HECW1: variants seen among roughly 807,000 people sequenced by gnomAD.
HECW1 encodes E3 ubiquitin-protein ligase HECW1.
In HECW1, 61 loss-of-function variants were observed where a neutral mutation model predicts 182.3. That is an observed-to-expected ratio of 0.33 (90% CI 0.27 to 0.41). The LOEUF (loss-of-function observed/expected upper bound fraction) is 0.41, where lower values mean the gene tolerates loss of function less well. Ranked by LOEUF, HECW1 falls within the 10% of genes least tolerant of loss-of-function variation. The pLI, the probability that HECW1 is intolerant of heterozygous loss-of-function variation, is 1.00. For missense variants in HECW1, 1,739 were observed against 2,108.9 expected (o/e 0.82, Z 3.44); for synonymous variants, 859 against 832.6 (o/e 1.03, Z -0.55).
intron 3 of HECW1, among the ~76,000 whole-genome samples, chr7:43,286,003 A>G (rs1411711441): frequency 6.6e-6 from 1 of 152,216 alleles, no homozygotes; most frequent in Non-Finnish European, 1.5e-5. Flanking sequence ...AGTCTATGTC[A>G]GTAAGTCATA....
intron 6 of HECW1, among the ~76,000 whole-genome samples, chr7:43,371,042 C>A (rs1263843021): frequency 6.6e-6 from 1 of 151,950 alleles, no homozygotes; most frequent in Non-Finnish European, 1.5e-5. Flanking sequence ...TGCCCGCCAC[C>A]ACGTCTGGCT....
intron 17 of HECW1, among the ~76,000 whole-genome samples, chr7:43,487,717 GGAGGCAGGGCAGGAGGATC>G (rs1273438353): frequency 7.9e-5 from 12 of 152,158 alleles, no homozygotes; most frequent in African/African-American, 2.4e-4. Context: ...CAGCACTTTG[GGAGGCAGGGCAGGAGGATC>G]TCTTGAAGCC....
At position 43,507,805 on chromosome 7, in the gene HECW1, G is replaced by A. The variant is rs566095876; in HGVS notation, c.3753-213G>A. Among the ~76,000 whole-genome samples, 11 of 152,274 alleles carry A rather than the reference G, an allele frequency of 7.2e-5. No homozygotes were observed. The East Asian group carries it at 1.5e-3, about 21-fold the overall frequency. On this transcript the variant is annotated intron_variant, in intron 22 of 29. Transcript: ENST00000395891. Reference sequence around the variant, plus strand: ...AGTAGTTCCATATGATGGAATGCACGAGAAGTGTACACATTTTCCTTGTGC... The same window carrying A: ...AGTAGTTCCATATGATGGAATGCACAAGAAGTGTACACATTTTCCTTGTGC...
Position 43,177,992 on chromosome 7 carries a change from C to T in HECW1, c.-32+63601C>T, listed in dbSNP as rs117057570. On this transcript the variant is annotated intron_variant, in intron 2 of 29. Transcript: ENST00000395891. ...GACATCTGTTTGATCTCCCCTGCCC[C>T]TGTGGGCAGGGTTTTTTTGGTTTGG... Among the ~76,000 whole-genome samples, 499 of 152,292 alleles carry T rather than the reference C, an allele frequency of 3.3e-3. 2 individuals carry two copies. The highest frequency in any genetic ancestry group is 6.0e-3 in the Non-Finnish European group (410 of 68,026).
chr7:43,181,786 T>G (rs1022926268), intron 2 of HECW1, among the ~76,000 whole-genome samples: 2 of 150,678 alleles, frequency 1.3e-5, no homozygotes, highest in Admixed American at 1.3e-4. Context: ...GTTTTTTGTT[T>G]GTTTGTTTGT....
In HECW1 at chr7:43,280,280, T is replaced by C. The variant is rs532719233; in HGVS notation, c.28-31483T>C. Among the ~76,000 whole-genome samples, 167 of 151,718 alleles carry C rather than the reference T, an allele frequency of 1.1e-3. 1 individual carries two copies. Among genetic ancestry groups the C allele is most frequent in the African/African-American group, 4.0e-3 (164 of 41,360 alleles). On this transcript the variant is annotated intron_variant, in intron 3 of 29. Coordinates refer to ENST00000395891, the MANE Select transcript of HECW1 (RefSeq NM_015052.5). ...AATAGCATCGTGCAGGAGTGCAGGG[T>C]CACAAGATGGAGTGGCGATTCCACC...
chr7:43,478,587 T>C (rs907424662), intron 16 of HECW1, among the ~76,000 whole-genome samples: 3 of 152,118 alleles, frequency 2.0e-5, no homozygotes, highest in Non-Finnish European at 4.4e-5. Context: ...GAAATACTTA[T>C]AAAATAACAA....
At chr7:43,406,019 T>C (rs1258397184) in intron 7 of HECW1, among the ~76,000 whole-genome samples, 1 of 152,232 alleles carries the variant, frequency 6.6e-6, no homozygotes, top group Non-Finnish European at 1.5e-5. Flanking sequence ...CTCTTCCTAC[T>C]TTATCCACTG....
chr7:43,481,684 T>G (rs2078439560), intron 17 of HECW1, among the ~76,000 whole-genome samples: 1 of 152,116 alleles, frequency 6.6e-6, no homozygotes, highest in South Asian at 2.1e-4. Context: ...GCCATCTGTA[T>G]CAGTTAAGAA....
intron 2 of HECW1, among the ~76,000 whole-genome samples, chr7:43,173,669 G>T (rs1324790509): frequency 6.6e-6 from 1 of 152,116 alleles, no homozygotes; most frequent in Non-Finnish European, 1.5e-5. Context: ...CTGACAGGAG[G>T]CAGAGCTCAG....
intron 2 of HECW1, among the ~76,000 whole-genome samples, chr7:43,183,654 C>T (rs1273694353): frequency 1.3e-5 from 2 of 151,978 alleles, no homozygotes; most frequent in African/African-American, 4.8e-5. Context: ...ACAATGTTTA[C>T]CTTGATTTTT....
intron 3 of HECW1, among the ~76,000 whole-genome samples, chr7:43,280,954 C>T (rs978255541): frequency 2.0e-5 from 3 of 152,110 alleles, no homozygotes; most frequent in African/African-American, 4.8e-5. Flanking sequence ...CATGCATTCC[C>T]GACACAGTAT....
intron 2 of HECW1, among the ~76,000 whole-genome samples, chr7:43,173,143 TAAAAC>T (rs967852839): frequency 3.9e-5 from 6 of 152,322 alleles, no homozygotes; most frequent in African/African-American, 1.4e-4. Context: ...TGGGGAAAAT[TAAAAC>T]AAAGATAACA....
intron 24 of HECW1, among the ~76,000 whole-genome samples, chr7:43,532,938 T>C (rs140936351): frequency 3.9e-5 from 6 of 152,310 alleles, no homozygotes; most frequent in Non-Finnish European, 7.4e-5. Flanking sequence ...CAGTCAGCCT[T>C]CTTCAAGTTT....
chr7:43,131,140 C>T (rs1429530013), intron 2 of HECW1, among the ~76,000 whole-genome samples: 3 of 152,246 alleles, frequency 2.0e-5, no homozygotes, highest in Non-Finnish European at 2.9e-5. Context: ...GTGGCACACG[C>T]GTGTAATCCC....
At chr7:43,117,387 A>G (rs532508131) in intron 2 of HECW1, among the ~76,000 whole-genome samples, 2 of 151,780 alleles carry the variant, frequency 1.3e-5, no homozygotes, top group Non-Finnish European at 2.9e-5. Flanking sequence ...AACATCCCCC[A>G]CATACATAAG....
chr7:43,355,098 G>T (rs1814947442), intron 5 of HECW1, among the ~76,000 whole-genome samples: 1 of 149,634 alleles, frequency 6.7e-6, no homozygotes, highest in Admixed American at 6.6e-5. Context: ...ACAGAAAAGA[G>T]ATAAATTATT....
chr7:43,285,792 AAAAAT>A (rs145080794), intron 3 of HECW1, among the ~76,000 whole-genome samples: 6,292 of 151,984 alleles, frequency 0.041, 430 homozygotes, highest in African/African-American at 0.14. Flanking sequence ...CATCTCAACA[AAAAAT>A]AAAATAAAAT....
intron 3 of HECW1, among the ~76,000 whole-genome samples, chr7:43,302,698 C>T (rs940723454): frequency 4.6e-5 from 7 of 152,184 alleles, no homozygotes; most frequent in East Asian, 1.9e-4. Flanking sequence ...TGGAGCTGGG[C>T]GCCTTGGGCC....
Sources: gnomAD v4.1 joint callset for allele counts (sites outside exome capture counted in the v4.1 genomes callset) on GRCh38, gnomAD v4.1.1 for gene constraint, MANE v1.5 for transcripts, NCBI Gene and HGNC (gene_info 2026-07-23, HGNC 2026-07-21) for gene names.